The following RBFOX1 variants were observed in gnomAD, a reference collection of about 807,000 sequenced individuals.
The protein encoded by RBFOX1 is RNA binding fox-1 homolog 1.
In RBFOX1, 8 loss-of-function variants were observed where a neutral mutation model predicts 57.7. The observed-to-expected ratio is 0.14, with a 90% CI of 0.08 to 0.25. RBFOX1 has a LOEUF of 0.25. Among genes scored for constraint, RBFOX1 ranks in the 10% least tolerant of loss-of-function variants. The pLI, the probability that RBFOX1 is intolerant of heterozygous loss-of-function variation, is 1.00. For missense variants in RBFOX1, 611 were observed against 548.5 expected (o/e 1.11, Z -1.14); for synonymous variants, 326 against 222.4 (o/e 1.47, Z -4.15).
intron 4 of RBFOX1, among the ~76,000 whole-genome samples, chr16:7,258,345 G>T (rs115425158): frequency 0.014 from 2,178 of 152,138 alleles, 63 homozygotes; most frequent in African/African-American, 0.05. Context: ...AATATTAATG[G>T]TTGTAATTAT....
chr16:6,529,207 T>A (rs982460840), intron 2 of RBFOX1, among the ~76,000 whole-genome samples: 3 of 152,182 alleles, frequency 2.0e-5, no homozygotes, highest in African/African-American at 7.2e-5. Context: ...TTGTTTTTAT[T>A]GTAAACTACT....
intron 1 of RBFOX1, among the ~76,000 whole-genome samples, chr16:6,175,410 G>T (rs969562300): frequency 6.6e-6 from 1 of 152,040 alleles, no homozygotes; most frequent in Non-Finnish European, 1.5e-5. Flanking sequence ...AACATTACAC[G>T]TTCTGCTAGA....
chr16:7,015,293 G>A (rs935611355), intron 3 of RBFOX1, among the ~76,000 whole-genome samples: 1 of 152,088 alleles, frequency 6.6e-6, no homozygotes, highest in African/African-American at 2.4e-5. Flanking sequence ...GAAACTGCTC[G>A]CATTCCTGGG....
At chr16:7,305,150 T>TC (rs1006955829) in intron 4 of RBFOX1, among the ~76,000 whole-genome samples, 44 of 152,054 alleles carry the variant, frequency 2.9e-4, no homozygotes, top group Admixed American at 9.2e-4. Context: ...GGTTTTTTTT[T>TC]CCCTTTCACT....
chr16:5,707,364 A>T (rs181731343), intron 3 of RBFOX1, among the ~76,000 whole-genome samples: 30 of 152,332 alleles, frequency 2.0e-4, no homozygotes, highest in Non-Finnish European at 4.0e-4. Context: ...AAGAGCCTCA[A>T]GGAAAAGGGT....
Position 5,966,852 on chromosome 16 carries a change from T to G in RBFOX1, c.351+99517T>G, listed in dbSNP as rs186634911. ...AACCATATCAGCAGCCTCATGGAAGTGCAATTCATGCCTCCACCAGTCACT... is the reference window on the plus strand; with the variant it reads ...AACCATATCAGCAGCCTCATGGAAGGGCAATTCATGCCTCCACCAGTCACT... On this transcript the variant is annotated intron_variant, in intron 4 of 19. Transcript: ENST00000641259. Among the ~76,000 whole-genome samples the G allele has an allele frequency of 1.7e-4, 26 of 152,102 alleles. 1 individual carries two copies. The East Asian group carries it at 4.5e-3, about 26-fold the overall frequency.
At chr16:7,269,689 T>C (rs991929327) in intron 4 of RBFOX1, among the ~76,000 whole-genome samples, 4 of 152,238 alleles carry the variant, frequency 2.6e-5, no homozygotes, top group African/African-American at 9.6e-5. Context: ...TCTCCCTTAC[T>C]ATTATTAAGA....
At chr16:7,013,258 C>G (rs778283725) in intron 3 of RBFOX1, among the ~76,000 whole-genome samples, 1 of 152,146 alleles carries the variant, frequency 6.6e-6, no homozygotes, top group Non-Finnish European at 1.5e-5. Flanking sequence ...AGTCCCTACT[C>G]ACATAGGACT....
chr16:7,657,769 G>A (rs796679691), intron 12 of RBFOX1, among the ~76,000 whole-genome samples: 5 of 152,210 alleles, frequency 3.3e-5, no homozygotes, highest in African/African-American at 1.2e-4. Flanking sequence ...ATTCCTCCAG[G>A]GGTAGGGAAA....
At chr16:7,191,072 A>G (rs940998438) in intron 4 of RBFOX1, among the ~76,000 whole-genome samples, 1 of 152,124 alleles carries the variant, frequency 6.6e-6, no homozygotes, top group African/African-American at 2.4e-5. Flanking sequence ...TGTGAGTGTG[A>G]TATCATTAGA....
intron 4 of RBFOX1, among the ~76,000 whole-genome samples, chr16:7,316,926 G>T (rs1348380005): frequency 6.6e-6 from 1 of 150,610 alleles, no homozygotes; most frequent in African/African-American, 2.5e-5. Context: ...TCTTGACCTA[G>T]AGTTGGATTT....
At chr16:5,272,082 C>A (rs893553662) in intron 1 of RBFOX1, among the ~76,000 whole-genome samples, 61 of 152,204 alleles carry the variant, frequency 4.0e-4, no homozygotes, top group African/African-American at 1.5e-3. Context: ...ATCCCTTCAA[C>A]ATATTGACAT....
intron 1 of RBFOX1, among the ~76,000 whole-genome samples, chr16:6,043,446 C>A (rs1282741956): frequency 6.6e-6 from 1 of 152,140 alleles, no homozygotes; most frequent in Non-Finnish European, 1.5e-5. Context: ...TCATGCGATG[C>A]TATATCAGAG....
At chr16:5,835,351 C>T (rs2056425108) in intron 3 of RBFOX1, among the ~76,000 whole-genome samples, 1 of 152,334 alleles carries the variant, frequency 6.6e-6, no homozygotes, top group Middle Eastern at 3.4e-3. Context: ...CATTGCAGAG[C>T]CTGAAGCCAC....
chr16:6,325,602 C>T lies in RBFOX1; in HGVS notation c.-64+8545C>T, dbSNP rs182274514. 8.5e-5 allele frequency among the ~76,000 whole-genome samples: 13 copies of T among 152,290 alleles called. No individual in the cohort carries two copies. The East Asian group carries it at 1.7e-3, about 20-fold the overall frequency. Reference sequence around the variant, plus strand: ...TTGTTTTCTGAAGACATTAGTGAATCTGGAATCACCTGATTCCTACTGGTG... The same window carrying T: ...TTGTTTTCTGAAGACATTAGTGAATTTGGAATCACCTGATTCCTACTGGTG... On this transcript the variant is annotated intron_variant, in intron 2 of 15. Coordinates refer to ENST00000550418, the MANE Select transcript of RBFOX1 (RefSeq NM_018723.4).
chr16:6,713,775 A>C (rs9928517), intron 3 of RBFOX1, among the ~76,000 whole-genome samples: 14,389 of 152,046 alleles, frequency 0.095, 1,096 homozygotes, highest in African/African-American at 0.21. Flanking sequence ...CTCACCCTTC[A>C]TGTTTCAGTT....
chr16:6,243,847 C>T (rs1311544798), intron 1 of RBFOX1, among the ~76,000 whole-genome samples: 2 of 152,164 alleles, frequency 1.3e-5, no homozygotes, highest in African/African-American at 4.8e-5. Flanking sequence ...GATGAAAGAC[C>T]ATCCAGAGGG....
At chr16:7,190,164 C>T (rs2085018070) in intron 4 of RBFOX1, among the ~76,000 whole-genome samples, 1 of 152,074 alleles carries the variant, frequency 6.6e-6, no homozygotes, top group African/African-American at 2.4e-5. Context: ...AGTTCGAGAC[C>T]AGCCTTGCCA....
In RBFOX1 at chr16:5,692,195, GTGTGTGTGTGTGTGTGTGTT is replaced by G. The variant is rs1467731224; in HGVS notation, c.318+93240_318+93259del. 3.1e-4 allele frequency among the ~76,000 whole-genome samples: 46 copies of G among 149,240 alleles called. 1 individual carries two copies. The highest frequency in any genetic ancestry group is 1.2e-3 in the African/African-American group (46 of 39,094). ...TGTGTGTGTGTGTGTGTGTGTGTGT[GTGTGTGTGTGTGTGTGTGTT>G]TGTGTTTCACTGCTAGCAGATGCAC... On this transcript the variant is annotated intron_variant, in intron 3 of 19. Transcript: ENST00000641259.
Sources: gnomAD v4.1 joint callset for allele counts (sites outside exome capture counted in the v4.1 genomes callset) on GRCh38, gnomAD v4.1.1 for gene constraint, MANE v1.5 for transcripts, NCBI Gene and HGNC (gene_info 2026-07-23, HGNC 2026-07-21) for gene names.